Variants in PCDH8 observed in about 807,000 individuals in gnomAD.
The protein encoded by PCDH8 is protocadherin 8.
PCDH8 carries 36 observed loss-of-function variants against 58.2 expected under a neutral mutation model. The observed-to-expected ratio is 0.62, with a 90% CI of 0.47 to 0.82. The LOEUF is 0.82. PCDH8 is among the 40% of genes least tolerant of loss of function. The pLI, the probability that PCDH8 is intolerant of heterozygous loss-of-function variation, is 0.00. For synonymous variants in PCDH8, 775 were observed against 728.9 expected, an observed-to-expected ratio of 1.06 and a Z score of -1.02; for missense variants, 1,493 against 1,567.8, an observed-to-expected ratio of 0.95 and a Z score of 0.81.
Position 52,848,131 on chromosome 13 carries a change from G to A in PCDH8, c.306C>T (p.Cys102=). ...AGCTGACCACATCGAAGGCCAGCAC[G>A]CACTGCGGGGCCTGGCCACACAGCC... ...RERLCGQAPQ[C]VLAFDVVSFS... is the part of the protein sequence containing the mutation. Residue 102 remains cysteine (C), a synonymous_variant, in exon 1 of 3, where the codon TGC becomes TGT. Coordinates refer to ENST00000377942, the MANE Select transcript of PCDH8 (RefSeq NM_002590.4). The A allele has an allele frequency of 1.2e-6, 2 of 1,612,688 alleles. No homozygotes were observed. Among genetic ancestry groups the A allele is most frequent in the Non-Finnish European group, 1.7e-6 (2 of 1,179,754 alleles).
chr13:52,845,673 G>A (rs901687159), intron 1 of PCDH8, 41 bp from the exon 2 acceptor site: 5 of 1,603,206 alleles, frequency 3.1e-6, no homozygotes, highest in African/African-American at 2.7e-5. Flanking sequence ...GGGGAGGGTT[G>A]GATAAGAAAC....
chr13:52,844,686 T>A lies in PCDH8; in HGVS notation c.3087A>T (p.Thr1029=), dbSNP rs1965701374. ...EKVLHRDYDR[T]VTLLSPPRPG... ...GACGGGGAGGGGAGAGCAGAGTGAC[T>A]GTCCTGTCATAGTCTCTGTGCAGTA... The change falls in exon 3 of 3, where the codon ACA becomes ACT. Residue 1029 remains threonine, a synonymous_variant. Transcript: ENST00000377942. 1 of 1,614,070 alleles carries A rather than the reference T, an allele frequency of 6.2e-7. No homozygotes were observed. Among genetic ancestry groups the A allele is most frequent in the Non-Finnish European group, 8.5e-7 (1 of 1,180,034 alleles).
In PCDH8 at chr13:52,846,620, G is replaced by A. The variant is rs139773461; in HGVS notation, c.1817C>T (p.Ala606Val). ...TGGCGCCGGGTGCACCAGGACTGGC[G>A]CATGGTCGTTCTGGTCCAGCACGCG... ...QVRVLDQNDH[A>V]PVLVHPAPAN... The change falls in exon 1 of 3, where the codon GCG (alanine) becomes GTG (valine). Residue 606 changes from alanine to valine, a missense_variant. Transcript: ENST00000377942. The A allele has an allele frequency of 3.1e-6, 5 of 1,605,050 alleles. No homozygotes were observed. Among genetic ancestry groups the A allele is most frequent in the South Asian group, 2.2e-5 (2 of 90,290 alleles).
rs1965746128 is a variant in PCDH8, at chr13:52,846,784, A to G, written c.1653T>C (p.Tyr551=). The G allele has an allele frequency of 5.1e-6, 8 of 1,566,400 alleles. No individual in the cohort carries two copies. Among genetic ancestry groups the G allele is most frequent in the Admixed American group, 1.8e-5 (1 of 55,406 alleles). Reference sequence around the variant, plus strand: ...CTCCGGTAGCTGGGTCCACCGAGACATAAGTGGACACGGCGCCCCCGGCGC... The same window carrying G: ...CTCCGGTAGCTGGGTCCACCGAGACGTAAGTGGACACGGCGCCCCCGGCGC... The part of the protein sequence containing the change: ...VGRAGGAVST[Y]VSVDPATGAI... Residue 551 remains tyrosine (Y), a synonymous_variant, in exon 1 of 3, where the codon TAT becomes TAC. Transcript: ENST00000377942.
At position 52,847,327 on chromosome 13, in the gene PCDH8, G is replaced by A. The variant is rs774429078; in HGVS notation, c.1110C>T (p.Phe370=). Reference sequence around the variant, plus strand: ...GTGCAGCGGCGGCGGCGGCAGCGGCGAAGGGTGAGGTTGCCGGCGCGCCTG... The same window carrying A: ...GTGCAGCGGCGGCGGCGGCAGCGGCAAAGGGTGAGGTTGCCGGCGCGCCTG... ...AAPGAPATSP[F]AAAAAAAALG... The change falls in exon 1 of 3, where the codon TTC becomes TTT. Residue 370 remains phenylalanine (F), a synonymous_variant. Transcript: ENST00000377942. 5.6e-6 allele frequency: 8 copies of A among 1,428,472 alleles called. No individual in the cohort carries two copies. The highest frequency in any genetic ancestry group is 7.3e-6 in the Non-Finnish European group (8 of 1,098,486). 88.5% of individuals were successfully genotyped at this position (1,428,472 alleles called of 1,614,324 possible). A position where few individuals can be genotyped will look rare whatever the true frequency, so the allele number is the denominator to read the frequency against.
chr13:52,846,571 C>T lies in PCDH8; in HGVS notation c.1866G>A (p.Ala622=). 6 of 1,605,074 alleles carry T rather than the reference C, an allele frequency of 3.7e-6. No homozygotes were observed. Among genetic ancestry groups the T allele is most frequent in the Admixed American group, 3.3e-5 (2 of 59,864 alleles). Residue 622 remains alanine, a synonymous_variant, in exon 1 of 3, where the codon GCG becomes GCA. Coordinates refer to ENST00000377942, the MANE Select transcript of PCDH8 (RefSeq NM_002590.4). Reference sequence around the variant, plus strand: ...TGTCCTTTGCGGTGCGCCCAGGCACCGCCACTTCTAGGGAGCCATTGGCTG... The same window carrying T: ...TGTCCTTTGCGGTGCGCCCAGGCACTGCCACTTCTAGGGAGCCATTGGCTG... ...PAPANGSLEV[A]VPGRTAKDTV...
At chr13:52,845,238 C>G (rs1156773219) in intron 2 of PCDH8, among the ~76,000 whole-genome samples, 187 bp downstream of exon 2, 2 of 152,128 alleles carry the variant, frequency 1.3e-5, no homozygotes, top group Non-Finnish European at 2.9e-5. Flanking sequence ...TATTCAAGAG[C>G]TGGAGTTGCC....
chr13:52,846,103 C>T lies in PCDH8; in HGVS notation c.2334G>A (p.Lys778=), dbSNP rs1365922277. Residue 778 remains lysine (K), a synonymous_variant, in exon 1 of 3, where the codon AAG becomes AAA. Transcript: ENST00000377942. ...IAIATTCNRR[K]KEVRKGGALR... ...GGGCCCCCCCTTTGCGCACCTCCTT[C>T]TTGCGGCGGTTGCAGGTGGTGGCGA... 8 of 1,580,326 alleles carry T rather than the reference C, an allele frequency of 5.1e-6. No individual in the cohort carries two copies. The highest frequency in any genetic ancestry group is 6.8e-6 in the Non-Finnish European group (8 of 1,170,440).
intron 2 of PCDH8, 53 bp from the exon 3 acceptor site, chr13:52,844,986 A>G: frequency 6.6e-7 from 1 of 1,504,580 alleles, no homozygotes; most frequent in Non-Finnish European, 8.9e-7. Flanking sequence ...GAGATTATAC[A>G]TATTCAGGCT....
Position 52,846,719 on chromosome 13 carries a change from C to A in PCDH8, c.1718G>T (p.Arg573Leu). ...ALRSFDYETL[R>L]QLDVRIQASD... ...AGCTTGGATGCGAACGTCGAGTTGG[C>A]GCAGCGTCTCATAGTCGAAGCTGCG... The change falls in exon 1 of 3, where the codon CGC becomes CTC. Residue 573 changes from arginine (R) to leucine (L), a missense_variant. Transcript: ENST00000377942. 6.3e-7 allele frequency: 1 copy of A among 1,594,296 alleles called. No individual in the cohort carries two copies. The highest frequency in any genetic ancestry group is 8.5e-7 in the Non-Finnish European group (1 of 1,175,608).
At position 52,844,572 on chromosome 13, in the gene PCDH8, A is replaced by T. The variant is rs771709694; in HGVS notation, c.3201T>A (p.Asn1067Lys). Residue 1067 changes from asparagine (N) to lysine (K), a missense_variant, in exon 3 of 3, where the codon AAT (asparagine) becomes AAA (lysine). This residue lies in a region of PCDH8 where 182 missense variants were observed against 178.9 expected (regional missense o/e 1.02). Transcript: ENST00000377942. ...ATGCAGCATGGGATTACACATTTTC[A>T]TTGGCTCCCTTCTTCGGGGACAGGT... ...GRYLSPKKGA[N>K]ENV The T allele has an allele frequency of 6.3e-7, 1 of 1,589,898 alleles. No individual in the cohort carries two copies. Among genetic ancestry groups the T allele is most frequent in the East Asian group, 2.2e-5 (1 of 44,662 alleles).
At position 52,842,969 on chromosome 13, in the gene PCDH8, T is replaced by G. The variant is rs2138350534; in HGVS notation, c.*1591A>C. 1 of 152,360 alleles carries G rather than the reference T, an allele frequency of 6.6e-6. No individual in the cohort carries two copies. Among genetic ancestry groups the G allele is most frequent in the South Asian group, 2.1e-4 (1 of 4,828 alleles). 9.4% of individuals were successfully genotyped at this position (152,360 alleles called of 1,614,324 possible). ...TGGATACTTATTAGCTGTGTGATTT[T>G]TGGCATTTTATCTAACCTTCTTGTG... On this transcript the variant is annotated 3_prime_UTR_variant, in exon 3 of 3. Coordinates refer to ENST00000377942, the MANE Select transcript of PCDH8 (RefSeq NM_002590.4).
rs1341885037 is a variant in PCDH8, at chr13:52,846,110, C to G, written c.2327G>C (p.Arg776Pro). 6.3e-7 allele frequency: 1 copy of G among 1,580,604 alleles called. No individual in the cohort carries two copies. The highest frequency in any genetic ancestry group is 1.1e-5 in the South Asian group (1 of 88,736). ...AIIAIATTCNRRKKEVRKGGA... is the reference protein window; with the variant it reads ...AIIAIATTCNPRKKEVRKGGA... ...CCCTTTGCGCACCTCCTTCTTGCGG[C>G]GGTTGCAGGTGGTGGCGATGGCGAT... Residue 776 changes from arginine to proline, a missense_variant, in exon 1 of 3, where the codon CGC (arginine) becomes CCC (proline). By Grantham distance (103) the Arg-to-Pro change is moderately radical (BLOSUM62 -2). Coordinates refer to ENST00000377942, the MANE Select transcript of PCDH8 (RefSeq NM_002590.4).
rs773294757 is a variant in PCDH8 at position 52,844,738 on chromosome 13, A to C, written c.3035T>G (p.Val1012Gly). The C allele has an allele frequency of 3.7e-6, 6 of 1,613,678 alleles. No homozygotes were observed. The East Asian group carries it at 1.3e-4, about 36-fold the overall frequency. ...TTTCTCATAGACGCTCTGCAGCCCCACTGTCTTGGGCAGCTGGGCCTGGTA... is the reference window on the plus strand; with the variant it reads ...TTTCTCATAGACGCTCTGCAGCCCCCCTGTCTTGGGCAGCTGGGCCTGGTA... ...NYYQAQLPKT[V>G]GLQSVYEKVL... Residue 1012 changes from valine to glycine, a missense_variant, in exon 3 of 3, where the codon GTG (valine) becomes GGG (glycine). Physicochemically the swap from Val to Gly is moderately radical, Grantham distance 109. Around this residue, in one of 3 missense-constraint regions of PCDH8, gnomAD observed 182 missense variants for 178.9 expected, o/e 1.02. Coordinates refer to ENST00000377942, the MANE Select transcript of PCDH8 (RefSeq NM_002590.4).
chr13:52,845,013 C>G (rs1965708186), intron 2 of PCDH8, 80 bp from the exon 3 acceptor site: 1 of 1,439,522 alleles, frequency 6.9e-7, no homozygotes, highest in African/African-American at 1.4e-5. Context: ...TTCAGCATGT[C>G]AGCCTGGGTC....
Position 52,845,628 on chromosome 13 carries a change from T to C in PCDH8, c.2636A>G (p.Tyr879Cys), listed in dbSNP as rs757652758. ...QRLRGAHAEP[Y>C]GASPGFGKEP... Reference sequence around the variant, plus strand: ...CTTTCCAAAACCCGGGGAGGCACCGTAGGGCTGCAGCAGGGAATAGGGGAA... The same window carrying C: ...CTTTCCAAAACCCGGGGAGGCACCGCAGGGCTGCAGCAGGGAATAGGGGAA... Residue 879 changes from tyrosine to cysteine, a missense_variant, in exon 2 of 3, where the codon TAC becomes TGC. Coordinates refer to ENST00000377942, the MANE Select transcript of PCDH8 (RefSeq NM_002590.4). 4.5e-5 allele frequency: 72 copies of C among 1,613,500 alleles called. 1 individual carries two copies. The East Asian group carries it at 1.6e-3, about 35-fold the overall frequency.
At position 52,844,471 on chromosome 13, in the gene PCDH8, C is replaced by A; in HGVS notation, c.*89G>T. 9.2e-7 allele frequency: 1 copy of A among 1,092,478 alleles called. No homozygotes were observed. The highest frequency in any genetic ancestry group is 1.3e-6 in the Non-Finnish European group (1 of 774,802). The allele number at this position is 1,092,478 out of a possible 1,614,324, so 67.7% of individuals were successfully genotyped here. On this transcript the variant is annotated 3_prime_UTR_variant, in exon 3 of 3. Coordinates refer to ENST00000377942, the MANE Select transcript of PCDH8 (RefSeq NM_002590.4). Reference sequence around the variant, plus strand: ...CAACTTCATTGTAAGGCACATCTTGCATATTTATATATACAACACTGAAAC... The same window carrying A: ...CAACTTCATTGTAAGGCACATCTTGAATATTTATATATACAACACTGAAAC...
At position 52,848,268 on chromosome 13, in the gene PCDH8, C is replaced by T; in HGVS notation, c.169G>A (p.Val57Ile). Residue 57 changes from valine to isoleucine, a missense_variant, in exon 1 of 3, where the codon GTA (valine) becomes ATA (isoleucine). Physicochemically the swap from Val to Ile is conservative, Grantham distance 29 (BLOSUM62 3). Transcript: ENST00000377942. Reference sequence around the variant, plus strand: ...AGGCGGAAGCTTGTGTCACCCGATACTTTCATATGCAGGTCCTCGGCCAGG... The same window carrying T: ...AGGCGGAAGCTTGTGTCACCCGATATTTTCATATGCAGGTCCTCGGCCAGG... ...GTLAEDLHMK[V>I]SGDTSFRLMK... 1.2e-6 allele frequency: 2 copies of T among 1,613,732 alleles called. No individual in the cohort carries two copies. The highest frequency in any genetic ancestry group is 1.3e-5 in the African/African-American group (1 of 75,074).
chr13:52,845,890 C>G lies in PCDH8; in HGVS notation c.2547G>C (p.Val849=). The G allele has an allele frequency of 1.3e-6, 2 of 1,487,196 alleles. No homozygotes were observed. The highest frequency in any genetic ancestry group is 1.8e-6 in the Non-Finnish European group (2 of 1,129,722). The allele number at this position is 1,487,196 out of a possible 1,614,324, so 92.1% of individuals were successfully genotyped here. ...APPPAVAAAE[V]PGSEGGSATG... ...TGGCGCTGCCGCCCTCTGAGCCCGG[C>G]ACTTCGGCCGCGGCGACCGCAGGCG... is the stretch of plus-strand genomic sequence containing the variant. Residue 849 remains valine (V), a synonymous_variant, in exon 1 of 3, where the codon GTG becomes GTC. Coordinates refer to ENST00000377942, the MANE Select transcript of PCDH8 (RefSeq NM_002590.4).
Sources: allele counts gnomAD v4.1 joint callset (sites outside exome capture counted in the v4.1 genomes callset), GRCh38; gene constraint gnomAD v4.1.1; regional missense constraint gnomAD v4.1.1; transcripts MANE v1.5; gene names NCBI Gene and HGNC (gene_info 2026-07-23, HGNC 2026-07-21).